The following ANKAR variants were observed in gnomAD, a reference collection of about 807,000 sequenced individuals.
The protein encoded by ANKAR is ankyrin and armadillo repeat-containing protein.
A neutral mutation model predicts 146.2 loss-of-function variants in ANKAR; 136 were observed. That is an observed-to-expected ratio of 0.93 (90% CI 0.81 to 1.07). The LOEUF is 1.07. Among genes scored for constraint, ANKAR ranks in the 50% least tolerant of loss-of-function variants. The pLI, the probability that ANKAR is intolerant of heterozygous loss-of-function variation, is 0.00. For missense variants in ANKAR, 1,567 were observed against 1,679.9 expected, an observed-to-expected ratio of 0.93 and a Z score of 1.18; for synonymous variants, 500 against 575.8, an observed-to-expected ratio of 0.87 and a Z score of 1.88.
intron 7 of ANKAR, among the ~76,000 whole-genome samples, chr2:189,697,234 A>T (rs1298487023): frequency 1.5e-5 from 2 of 136,876 alleles, no homozygotes; most frequent in East Asian, 2.0e-4. Flanking sequence ...CCATAAAATT[A>T]AAAAAAAAAA....
At chr2:189,752,151 A>G (rs1224567150) in intron 18 of ANKAR, among the ~76,000 whole-genome samples, 2 of 152,118 alleles carry the variant, frequency 1.3e-5, no homozygotes, top group African/African-American at 4.8e-5. Context: ...AAAAAAAGAA[A>G]AAAAGTAAAG....
rs1559093770 is a variant in ANKAR, at chr2:189,707,066, TG to T, written c.2040del (p.Leu681Ter). 1.9e-6 allele frequency: 3 copies of T among 1,610,184 alleles called. No homozygotes were observed. The highest frequency in any genetic ancestry group is 1.7e-5 in the Admixed American group (1 of 59,824). ...IKGNNIIHLS[V>X]LTFHTEVLKY... ...GGAAATAATATAATCCATTTATCAG[TG>T]TTAACCTTTCATACAGAGGTTCTCA... On this transcript the variant is annotated frameshift_variant, in exon 9 of 23. Transcript: ENST00000684021. LOFTEE classifies it high-confidence loss of function.
chr2:189,688,808 C>T (rs144409416), intron 2 of ANKAR, among the ~76,000 whole-genome samples: 44 of 152,252 alleles, frequency 2.9e-4, no homozygotes, highest in African/African-American at 9.9e-4. Context: ...CCTTATTATA[C>T]GTCAGAAAGT....
At chr2:189,750,501 C>T, downstream of ANKAR, 1 of 725,644 alleles carries the variant, frequency 1.4e-6, no homozygotes, top group Non-Finnish European at 2.3e-6. Context: ...ATATCTTCTA[C>T]AATTTGATAC....
chr2:189,721,238 A>G (rs557840179), intron 12 of ANKAR, among the ~76,000 whole-genome samples: 5 of 152,144 alleles, frequency 3.3e-5, no homozygotes, highest in Non-Finnish European at 7.4e-5. Context: ...TACCCGACTC[A>G]GCCTCCCAAA....
intron 20 of ANKAR, among the ~76,000 whole-genome samples, chr2:189,742,835 CACACACACACACACACATT>C (rs2043474410): frequency 7.9e-6 from 1 of 127,328 alleles, no homozygotes; most frequent in Non-Finnish European, 1.7e-5. Context: ...AATTACCTGA[CACACACACACACACACATT>C]AGAATTACCT....
Position 189,676,963 on chromosome 2 carries a change from G to A in ANKAR, c.473G>A (p.Trp158Ter). 6.2e-7 allele frequency: 1 copy of A among 1,613,956 alleles called. No homozygotes were observed. The highest frequency in any genetic ancestry group is 1.1e-5 in the South Asian group (1 of 91,074). Residue 158 changes from tryptophan (W) to a stop codon, truncating the protein, a stop_gained, in exon 2 of 23, where the codon TGG becomes TAG. Coordinates refer to ENST00000684021, the MANE Select transcript of ANKAR (RefSeq NM_001378068.1). LOFTEE classifies it high-confidence loss of function. Reference sequence around the variant, plus strand: ...ATTGACTACATGCTGAAAGCACTATGGCATGGAATATATATGCCCAAAGAA... The same window carrying A: ...ATTGACTACATGCTGAAAGCACTATAGCATGGAATATATATGCCCAAAGAA... ...INIDYMLKAL[W>*]HGIYMPKEKR...
At chr2:189,693,647 A>G (rs532303273) in intron 5 of ANKAR, among the ~76,000 whole-genome samples, 8 of 152,242 alleles carry the variant, frequency 5.3e-5, no homozygotes, top group African/African-American at 1.7e-4. Context: ...GGAGGATAGG[A>G]CCAAGTCTGG....
Position 189,710,976 on chromosome 2 carries a change from A to G in ANKAR, c.2120-73A>G, listed in dbSNP as rs544027677. 7 of 1,324,804 alleles carry G rather than the reference A, an allele frequency of 5.3e-6. No homozygotes were observed. The Admixed American group carries it at 1.3e-4, about 24-fold the overall frequency. 82.1% of individuals were successfully genotyped at this position (1,324,804 alleles called of 1,614,324 possible). The stretch of plus-strand genomic sequence containing the variant: ...ACTGTTGGTTTTATTTAGCTGGTAC[A>G]AAAAACAGAATCAAGCATTTCATTG... On this transcript the variant is annotated intron_variant, in intron 9 of 22. Coordinates refer to ENST00000684021, the MANE Select transcript of ANKAR (RefSeq NM_001378068.1).
intron 7 of ANKAR, among the ~76,000 whole-genome samples, chr2:189,704,544 C>CAT (rs10578902): frequency 0.014 from 514 of 36,256 alleles, 10 homozygotes; most frequent in Middle Eastern, 0.021. Context: ...CCTTTGTTAA[C>CAT]ATATATATAT....
chr2:189,762,591 T>C, downstream of ANKAR: 3 of 985,498 alleles, frequency 3.0e-6, no homozygotes, highest in Non-Finnish European at 3.6e-6. Flanking sequence ...GCTGGTCTCC[T>C]GTCGGCTGTA....
At chr2:189,704,544 C>CATATATATATAT (rs10578902) in intron 7 of ANKAR, among the ~76,000 whole-genome samples, 2 of 36,458 alleles carry the variant, frequency 5.5e-5, no homozygotes, top group African/African-American at 8.4e-5. Context: ...CCTTTGTTAA[C>CATATATATATAT]ATATATATAT....
intron 10 of ANKAR, among the ~76,000 whole-genome samples, 200 bp downstream of exon 10, chr2:189,711,353 T>G (rs2255705): frequency 0.98 from 149,405 of 152,256 alleles, 73,364 homozygotes; most frequent in South Asian, 1. Context: ...TCAAAAAACT[T>G]TATCAATTCT....
At chr2:189,753,140 GA>G (rs915087969) in intron 18 of ANKAR, 38 of 515,000 alleles carry the variant, frequency 7.4e-5, no homozygotes, top group East Asian at 2.0e-4. Flanking sequence ...AATTTGGAAA[GA>G]AAAAAATTAC....
At chr2:189,735,145 C>T (rs1008414802) in intron 17 of ANKAR, among the ~76,000 whole-genome samples, 2 of 151,976 alleles carry the variant, frequency 1.3e-5, no homozygotes, top group African/African-American at 4.8e-5. Flanking sequence ...TTACCTTACT[C>T]CTCATGTGCA....
chr2:189,713,487 C>G (rs1266595682), intron 10 of ANKAR, among the ~76,000 whole-genome samples: 1 of 152,108 alleles, frequency 6.6e-6, no homozygotes, highest in Non-Finnish European at 1.5e-5. Context: ...GAATTTTCAA[C>G]CCAGAATTTC....
At chr2:189,719,001 G>A (rs1031706043) in intron 10 of ANKAR, among the ~76,000 whole-genome samples, 1 of 150,700 alleles carries the variant, frequency 6.6e-6, no homozygotes, top group Non-Finnish European at 1.5e-5. Flanking sequence ...CACCCGCCTC[G>A]GCCTCCCAAA....
chr2:189,711,350 A>C (rs1011686580), intron 10 of ANKAR, among the ~76,000 whole-genome samples, 197 bp downstream of exon 10: 5 of 152,180 alleles, frequency 3.3e-5, no homozygotes, highest in Admixed American at 1.3e-4. Flanking sequence ...GGATCAAAAA[A>C]CTTTATCAAT....
intron 9 of ANKAR, 138 bp downstream of exon 9, chr2:189,707,284 G>T: frequency 2.3e-6 from 1 of 432,428 alleles, no homozygotes; most frequent in Admixed American, 4.5e-5. Flanking sequence ...ATTTTATTAA[G>T]ACCAGAAATA....
Sources: gnomAD v4.1 joint callset for allele counts (sites outside exome capture counted in the v4.1 genomes callset) on GRCh38, gnomAD v4.1.1 for gene constraint, MANE v1.5 for transcripts, NCBI Gene and HGNC (gene_info 2026-07-23, HGNC 2026-07-21) for gene names.